The following RCN2 variants were observed in gnomAD, a reference collection of about 807,000 sequenced individuals.
RCN2 encodes the protein reticulocalbin 2, also known as reticulocalbin-2.
RCN2 carries 23 observed loss-of-function variants against 37.5 expected under a neutral mutation model. The ratio of observed to expected loss-of-function variants is 0.61; its 90% CI spans 0.44 to 0.87. The LOEUF (loss-of-function observed/expected upper bound fraction) is 0.87, where lower values mean the gene tolerates loss of function less well. Ranked by LOEUF, RCN2 falls within the 40% of genes least tolerant of loss-of-function variation. RCN2 has a pLI of 0.00. For missense variants in RCN2, 381 were observed against 390.4 expected, an observed-to-expected ratio of 0.98 and a Z score of 0.20; for synonymous variants, 140 against 144.6, an observed-to-expected ratio of 0.97 and a Z score of 0.23.
At chr15:76,942,478 T>C (rs1176284202) in intron 3 of RCN2, 1 of 152,174 alleles carries the variant, frequency 6.6e-6, no homozygotes, top group Admixed American at 6.5e-5. Flanking sequence ...AAAAGCAGCC[T>C]TGTCCCTGAT....
Position 76,951,381 on chromosome 15 carries a change from A to G in RCN2, c.*2159A>G, listed in dbSNP as rs1020415988. 1.2e-4 allele frequency: 18 copies of G among 152,348 alleles called. No individual in the cohort carries two copies. Among genetic ancestry groups the G allele is most frequent in the African/African-American group, 3.6e-4 (15 of 41,570 alleles). 9.4% of individuals were successfully genotyped at this position (152,348 alleles called of 1,614,324 possible). A position where few individuals can be genotyped will look rare whatever the true frequency, so the allele number is the denominator to read the frequency against. On this transcript the variant is annotated 3_prime_UTR_variant, in exon 7 of 7. Transcript: ENST00000394885. ...TCAGCTGAAATGGTGCAGCCACAAG[A>G]TGAAAGTGGCTTTGATCTTGAGTCT... is the stretch of plus-strand genomic sequence containing the variant.
At chr15:76,932,301 C>A in intron 1 of RCN2, 60 bp from the exon 2 acceptor site, 1 of 1,348,418 alleles carries the variant, frequency 7.4e-7, no homozygotes, top group Non-Finnish European at 1.1e-6. Flanking sequence ...TGTTTTTCTC[C>A]ACCATTTTGC....
In RCN2 at chr15:76,943,807, G is replaced by T. The variant is rs1204140450; in HGVS notation, c.497G>T (p.Gly166Val). Residue 166 changes from glycine (G) to valine (V), a missense_variant, in exon 4 of 7, where the codon GGT (glycine) becomes GTT (valine). Physicochemically the swap from Gly to Val is moderately radical, Grantham distance 109 (BLOSUM62 -3). Coordinates refer to ENST00000394885, the MANE Select transcript of RCN2 (RefSeq NM_002902.3). ...KRFEKANQDSGPGLSLEEFIA... is the reference protein window; with the variant it reads ...KRFEKANQDSVPGLSLEEFIA... ...TTTGAAAAAGCTAACCAGGATTCAG[G>T]TCCCGGTTTGAGTCTTGAAGAATTT... The T allele has an allele frequency of 1.2e-6, 2 of 1,609,622 alleles. No homozygotes were observed. The highest frequency in any genetic ancestry group is 3.3e-5 in the Admixed American group (2 of 59,930).
At chr15:76,933,077 TAAAA>T (rs879486937) in intron 2 of RCN2, among the ~76,000 whole-genome samples, 3 of 147,676 alleles carry the variant, frequency 2.0e-5, no homozygotes, top group African/African-American at 7.4e-5. Context: ...ATCCTTCAGT[TAAAA>T]AAAAAAATCT....
chr15:76,932,535 A>C, intron 2 of RCN2, 69 bp downstream of exon 2: 1 of 1,059,790 alleles, frequency 9.4e-7, no homozygotes, highest in Middle Eastern at 2.0e-4. Flanking sequence ...TGTCTGCTGA[A>C]TGTATAGATT....
At chr15:76,943,081 T>G (rs965109222) in intron 3 of RCN2, 4 of 152,248 alleles carry the variant, frequency 2.6e-5, no homozygotes, top group Non-Finnish European at 5.9e-5. Context: ...AAACATTTTT[T>G]AAAAGCCCTA....
intron 3 of RCN2, among the ~76,000 whole-genome samples, chr15:76,937,512 G>A (rs2075257266): frequency 6.6e-6 from 1 of 151,742 alleles, no homozygotes; most frequent in Non-Finnish European, 1.5e-5. Context: ...GGCTCAAGCA[G>A]TCCTCCCAGC....
chr15:76,941,802 C>T (rs1369757884), intron 3 of RCN2: 3 of 545,332 alleles, frequency 5.5e-6, no homozygotes, highest in Non-Finnish European at 9.0e-6. Flanking sequence ...TGAAAGAGAT[C>T]CTTTCTTTCC....
rs1185846074 is a variant in RCN2 at position 76,951,121 on chromosome 15, C to G, written c.*1899C>G. The G allele has an allele frequency of 6.6e-6, 1 of 152,220 alleles. No individual in the cohort carries two copies. Among genetic ancestry groups the G allele is most frequent in the Non-Finnish European group, 1.5e-5 (1 of 68,032 alleles). 9.4% of individuals were successfully genotyped at this position (152,220 alleles called of 1,614,324 possible). A position where few individuals can be genotyped will look rare whatever the true frequency, so the allele number is the denominator to read the frequency against. On this transcript the variant is annotated 3_prime_UTR_variant, in exon 7 of 7. Coordinates refer to ENST00000394885, the MANE Select transcript of RCN2 (RefSeq NM_002902.3). ...TATTTGTTTTTCTCTCTAGCTTCTC[C>G]AAAATCTATGCCAGAATAGATCATC...
intron 3 of RCN2, 89 bp downstream of exon 3, chr15:76,935,811 A>G (rs989000251): frequency 4.3e-6 from 4 of 921,924 alleles, no homozygotes; most frequent in Non-Finnish European, 6.6e-6. Flanking sequence ...GCCTGAGGTC[A>G]TAAGCTGGAT....
intron 3 of RCN2, 103 bp downstream of exon 3, chr15:76,935,825 C>G: frequency 3.7e-6 from 3 of 811,814 alleles, no homozygotes; most frequent in East Asian, 5.6e-5. Flanking sequence ...GCTGGATTGT[C>G]TTGTTCTCTA....
rs193014977 is a variant in RCN2 at position 76,951,086 on chromosome 15, A to G, written c.*1864A>G. On this transcript the variant is annotated 3_prime_UTR_variant, in exon 7 of 7. Transcript: ENST00000394885. ...TGGCATATTTGAAATCACCAGTTTG[A>G]CTAGTTAACTATTTGTTTTTCTCTC... 39 of 152,352 alleles carry G rather than the reference A, an allele frequency of 2.6e-4. No homozygotes were observed. The highest frequency in any genetic ancestry group is 2.5e-3 in the Admixed American group (39 of 15,312). The allele number at this position is 152,352 out of a possible 1,614,324, so 9.4% of individuals were successfully genotyped here. A position where few individuals can be genotyped will look rare whatever the true frequency, so the allele number is the denominator to read the frequency against.
At chr15:76,946,087 A>AT in intron 4 of RCN2, among the ~76,000 whole-genome samples, 1 of 152,246 alleles carries the variant, frequency 6.6e-6, no homozygotes, top group African/African-American at 2.4e-5. Flanking sequence ...ATTGAATGAA[A>AT]TAGATTTGAG....
intron 4 of RCN2, among the ~76,000 whole-genome samples, chr15:76,945,190 A>G (rs1162990427): frequency 1.3e-5 from 2 of 152,222 alleles, no homozygotes; most frequent in South Asian, 2.1e-4. Context: ...TCTCTGTACT[A>G]TGTATGAACA....
In RCN2 at chr15:76,945,467, T is replaced by G. The variant is rs2075292959; in HGVS notation, c.561+1596T>G. Among the ~76,000 whole-genome samples the G allele has an allele frequency of 2.0e-5, 3 of 152,330 alleles. No individual in the cohort carries two copies. In the South Asian group the frequency reaches 6.2e-4, roughly 32 times the overall value. ...ATGAGTCCTCTCATCCCTTTAATATTTAAAATAAGTACCAGTTTTTCAAAA... is the reference window on the plus strand; with the variant it reads ...ATGAGTCCTCTCATCCCTTTAATATGTAAAATAAGTACCAGTTTTTCAAAA... On this transcript the variant is annotated intron_variant, in intron 4 of 6. Transcript: ENST00000394885.
chr15:76,932,683 C>T (rs1472250552), intron 2 of RCN2, among the ~76,000 whole-genome samples: 1 of 152,176 alleles, frequency 6.6e-6, no homozygotes, highest in African/African-American at 2.4e-5. Context: ...ATCATTGACC[C>T]TGTACTCTAT....
intron 6 of RCN2, 43 bp downstream of exon 6, chr15:76,948,595 C>A: frequency 6.8e-7 from 1 of 1,465,150 alleles, no homozygotes. Context: ...CCCCTCCCCC[C>A]GAATTTGGTG....
rs2075316708 is a variant in RCN2 at position 76,950,593 on chromosome 15, G to A, written c.*1371G>A. On this transcript the variant is annotated 3_prime_UTR_variant, in exon 7 of 7. Transcript: ENST00000394885. ...TTTAGTAGAGACCGGGTTTCACCGT[G>A]TTAGCCAGGATGGTTTCGATCTCCT... 6.6e-6 allele frequency: 1 copy of A among 152,248 alleles called. No homozygotes were observed. The highest frequency in any genetic ancestry group is 1.5e-5 in the Non-Finnish European group (1 of 68,112). The allele number at this position is 152,248 out of a possible 1,614,324, so 9.4% of individuals were successfully genotyped here.
Position 76,953,555 on chromosome 15 carries a change from CTATATATATATA to C in RCN2, c.*4361_*4372del, listed in dbSNP as rs1284356930. ...GGGATTGCTGGATCATATAGTAATT[CTATATATATATA>C]TATATATATATATATATATATATAT... On this transcript the variant is annotated 3_prime_UTR_variant, in exon 7 of 7. Coordinates refer to ENST00000394885, the MANE Select transcript of RCN2 (RefSeq NM_002902.3). 113 of 26,706 alleles carry C rather than the reference CTATATATATATA, an allele frequency of 4.2e-3. No homozygotes were observed. Among genetic ancestry groups the C allele is most frequent in the African/African-American group, 0.015 (88 of 5,890 alleles). 1.7% of individuals were successfully genotyped at this position (26,706 alleles called of 1,614,324 possible).
Sources: allele counts gnomAD v4.1 joint callset (sites outside exome capture counted in the v4.1 genomes callset), GRCh38; gene constraint gnomAD v4.1.1; transcripts MANE v1.5; gene names NCBI Gene and HGNC (gene_info 2026-07-23, HGNC 2026-07-21).